GDPD2: variants seen among roughly 807,000 people sequenced by gnomAD.
GDPD2 encodes the protein glycerophosphodiester phosphodiesterase 3.
Under a neutral mutation model 49.2 loss-of-function variants are expected in GDPD2, and 23 were observed. The ratio of observed to expected loss-of-function variants is 0.47; its 90% confidence interval spans 0.34 to 0.66. The LOEUF is 0.66. Among genes scored for constraint, GDPD2 ranks in the 30% least tolerant of loss-of-function variants. GDPD2 has a pLI of 0.01. For synonymous variants in GDPD2, 167 were observed against 171.4 expected, an observed-to-expected ratio of 0.97 and a Z score of 0.20; for missense variants, 338 against 424.7, an observed-to-expected ratio of 0.80 and a Z score of 1.79.
intron 12 of GDPD2, 109 bp downstream of exon 12, chrX:70,430,172 A>G: frequency 1.4e-6 from 1 of 701,694 alleles, no homozygotes; most frequent in Non-Finnish European, 2.1e-6. Context: ...CACAAAAAGT[A>G]TTTACAGAAC....
intron 12 of GDPD2, chrX:70,431,144 C>G: frequency 1.8e-6 from 2 of 1,121,318 alleles, no homozygotes; most frequent in Middle Eastern, 4.8e-4. Flanking sequence ...TTTATTTCCC[C>G]GAGTTATCAC....
intron 3 of GDPD2, 40 bp downstream of exon 3, chrX:70,425,497 C>A: frequency 1.1e-6 from 1 of 927,244 alleles, no homozygotes; most frequent in Non-Finnish European, 1.6e-6. Flanking sequence ...GCATACCTGT[C>A]AACCTGCTCC....
rs140406309 is a variant in GDPD2, at chrX:70,433,309, AAGAG to A, written c.*226_*229del. The A allele has an allele frequency of 2.4e-6, 1 of 424,708 alleles. No individual in the cohort carries two copies. The highest frequency in any genetic ancestry group is 4.1e-6 in the Non-Finnish European group (1 of 244,172). 35.0% of individuals were successfully genotyped at this position (424,708 alleles called of 1,213,427 possible). On this transcript the variant is annotated 3_prime_UTR_variant, in exon 16 of 16. Transcript: ENST00000374382. The stretch of plus-strand genomic sequence containing the variant: ...GGGGTTTTGACCTGAGATGTTTGGG[AAGAG>A]AGTGAGTAATGAGAAGTTTCTCCTC...
At chrX:70,430,092 G>T in intron 12 of GDPD2, 29 bp downstream of exon 12, 1 of 1,154,981 alleles carries the variant, frequency 8.7e-7, no homozygotes, top group Non-Finnish European at 1.2e-6. Context: ...GAACCAAGGG[G>T]ATCACATGAG....
rs769862841 is a variant in GDPD2 at position 70,425,043 on chromosome X, G to A, written c.59G>A (p.Ser20Asn). 8.3e-7 allele frequency: 1 copy of A among 1,200,443 alleles called. No homozygotes were observed. The highest frequency in any genetic ancestry group is 3.0e-5 in the East Asian group (1 of 33,574). ...VWARCLHCLY[S>N]CHWRKCPRER... ...GCCCGCTGCCTCCACTGCCTGTATA[G>A]CTGCCACTGGAGGAAATGCCCCAGA... The change falls in exon 2 of 16, where the codon AGC becomes AAC. Residue 20 changes from serine (S) to asparagine (N), a missense_variant. This residue lies in a region of GDPD2 where 75 missense variants were observed against 67.6 expected (regional missense o/e 1.11). Transcript: ENST00000374382.
intron 12 of GDPD2, 89 bp downstream of exon 12, chrX:70,430,152 C>A: frequency 1.2e-6 from 1 of 806,245 alleles, no homozygotes; most frequent in Non-Finnish European, 1.8e-6. Context: ...CCTCTTGATT[C>A]ATTCACTCAC....
chrX:70,427,577 C>A, intron 10 of GDPD2, 114 bp downstream of exon 10: 1 of 612,387 alleles, frequency 1.6e-6, no homozygotes, highest in Non-Finnish European at 2.5e-6. Flanking sequence ...AGAACATAGT[C>A]TGTGCTCTCA....
Position 70,432,698 on chromosome X carries a change from T to G in GDPD2, c.1538+37T>G, listed in dbSNP as rs745678887. Reference sequence around the variant, plus strand: ...GTGCCTCAGCTTTCTGGGTCCTTACTTTCTCCAGGGCCCTGGTGATGAGGC... The same window carrying G: ...GTGCCTCAGCTTTCTGGGTCCTTACGTTCTCCAGGGCCCTGGTGATGAGGC... On this transcript the variant is annotated intron_variant, in intron 14 of 15. Transcript: ENST00000374382. 521 of 1,010,489 alleles carry G rather than the reference T, an allele frequency of 5.2e-4. 1 individual carries two copies. The highest frequency in any genetic ancestry group is 7.0e-4 in the Non-Finnish European group (500 of 713,893). The allele number at this position is 1,010,489 out of a possible 1,213,427, so 83.3% of individuals were successfully genotyped here.
chrX:70,433,161 G>T lies in GDPD2; in HGVS notation c.*75G>T. 2 of 827,995 alleles carry T rather than the reference G, an allele frequency of 2.4e-6. No homozygotes were observed. Among genetic ancestry groups the T allele is most frequent in the Non-Finnish European group, 3.6e-6 (2 of 559,216 alleles). The allele number at this position is 827,995 out of a possible 1,213,427, so 68.2% of individuals were successfully genotyped here. A position where few individuals can be genotyped will look rare whatever the true frequency, so the allele number is the denominator to read the frequency against. ...CAAGGGTTGGAGAGTGGCTTAAGTG[G>T]AATGCTTCAGGGGTGGTGGGTTGCA... On this transcript the variant is annotated 3_prime_UTR_variant, in exon 16 of 16. Coordinates refer to ENST00000374382, the MANE Select transcript of GDPD2 (RefSeq NM_017711.4).
At position 70,426,648 on chromosome X, in the gene GDPD2, G is replaced by A. The variant is rs1450163082; in HGVS notation, c.463G>A (p.Ala155Thr). 1 of 1,201,356 alleles carries A rather than the reference G, an allele frequency of 8.3e-7. No individual in the cohort carries two copies. Among genetic ancestry groups the A allele is most frequent in the Non-Finnish European group, 1.1e-6 (1 of 887,592 alleles). ...CCACCTCACCAGCTCTTGTCCACAG[G>A]CCACAGCCCCATTCCTTCATATTGG... ...EWHSLRVSLQ[A>T]TAPFLHIGAA... The change falls in exon 7 of 16, where the codon GCC (alanine) becomes ACC (threonine). Residue 155 changes from alanine (A) to threonine (T), a missense_variant and splice_region_variant. By Grantham distance (58) the Ala-to-Thr change is moderately conservative. Coordinates refer to ENST00000374382, the MANE Select transcript of GDPD2 (RefSeq NM_017711.4).
At chrX:70,430,337 T>G (rs1408877396) in intron 12 of GDPD2, among the ~76,000 whole-genome samples, 2 of 112,200 alleles carry the variant, frequency 1.8e-5, no homozygotes, top group Admixed American at 1.9e-4. Context: ...AAAAGTGTTA[T>G]GAAGACAAAA....
chrX:70,425,200 C>T (rs913160932), intron 2 of GDPD2, 111 bp downstream of exon 2: 39 of 660,788 alleles, frequency 5.9e-5, no homozygotes, highest in Non-Finnish European at 8.9e-5. Context: ...GGCTCTCTCT[C>T]CCAGGAAGAA....
At chrX:70,424,907 T>C (rs1367974731) in intron 1 of GDPD2, 69 bp from the exon 2 acceptor site, 2 of 690,202 alleles carry the variant, frequency 2.9e-6, no homozygotes, top group African/African-American at 2.2e-5. Context: ...GCTCCTCAGA[T>C]ACACTAGGAG....
At chrX:70,431,125 A>G in intron 12 of GDPD2, 2 of 1,144,807 alleles carry the variant, frequency 1.7e-6, no homozygotes, top group Non-Finnish European at 2.3e-6. Context: ...TCACCTAGCT[A>G]TGTAAGTATT....
At chrX:70,428,930 G>A (rs1051386376) in intron 10 of GDPD2, among the ~76,000 whole-genome samples, 1 of 112,131 alleles carries the variant, frequency 8.9e-6, no homozygotes, top group East Asian at 2.8e-4. Flanking sequence ...GGGAATGGGA[G>A]AGGGAGCAAA....
At chrX:70,426,260 A>G (rs1186401614) in intron 5 of GDPD2, 111 bp from the exon 6 acceptor site, 1 of 783,103 alleles carries the variant, frequency 1.3e-6, no homozygotes, top group African/African-American at 2.0e-5. Flanking sequence ...AGGAAAGCAG[A>G]TGTGTCAGGG....
chrX:70,426,556 G>A, intron 6 of GDPD2, 87 bp downstream of exon 6: 1 of 1,040,314 alleles, frequency 9.6e-7, no homozygotes, highest in Non-Finnish European at 1.3e-6. Flanking sequence ...CCCCAAGACT[G>A]CAGGTAGCTC....
At chrX:70,430,461 A>G (rs1206129313) in intron 12 of GDPD2, among the ~76,000 whole-genome samples, 1 of 111,745 alleles carries the variant, frequency 8.9e-6, no homozygotes. Context: ...TGAGACCTGA[A>G]TGGTCACAGG....
intron 3 of GDPD2, 152 bp downstream of exon 3, chrX:70,425,609 TC>T: frequency 1.8e-6 from 1 of 547,129 alleles, no homozygotes; most frequent in East Asian, 3.4e-5. Flanking sequence ...AGAAAATCCC[TC>T]CACAAAATCT....
Sources: allele counts gnomAD v4.1 joint callset (sites outside exome capture counted in the v4.1 genomes callset), GRCh38; gene constraint gnomAD v4.1.1; regional missense constraint gnomAD v4.1.1; transcripts MANE v1.5; gene names NCBI Gene and HGNC (gene_info 2026-07-23, HGNC 2026-07-21).